Variants in TMEM276 observed in about 807,000 individuals in gnomAD.
TMEM276 encodes the protein transmembrane protein 276.
At chr8:144,466,700 G>A in the TMEM276 span, 3 of 1,368,072 alleles carry the variant, frequency 2.2e-6, no homozygotes, top group South Asian at 1.4e-5. Context: ...GGTTCGCGGA[G>A]GGAAGGGGCC....
the TMEM276 span, chr8:144,465,966 G>C: frequency 7.7e-6 from 1 of 129,856 alleles, no homozygotes; most frequent in Non-Finnish European, 1.6e-5. Context: ...GGGCGAGGCT[G>C]CAAGGAACGG....
the TMEM276 span, chr8:144,464,605 C>G: frequency 4.1e-5 from 66 of 1,606,488 alleles, no homozygotes; most frequent in Non-Finnish European, 5.4e-5. Flanking sequence ...AGCAGCCCCT[C>G]GACTTGCCTG....
the TMEM276 span, chr8:144,464,244 C>A: frequency 6.2e-7 from 1 of 1,612,906 alleles, no homozygotes; most frequent in African/African-American, 1.3e-5. Context: ...CCTCCTCCAG[C>A]CGGCTCAGGA....
At chr8:144,464,394 G>T in the TMEM276 span, 2 of 1,563,676 alleles carry the variant, frequency 1.3e-6, no homozygotes, top group South Asian at 2.4e-5. Context: ...CGAGGTGGCC[G>T]CCAGCCACTG....
the TMEM276 span, chr8:144,465,194 G>C: frequency 7.7e-7 from 1 of 1,301,692 alleles, no homozygotes; most frequent in Non-Finnish European, 1.0e-6. Flanking sequence ...TGGAGCCCAA[G>C]TGGGAGTGCG....
chr8:144,466,966 C>G, the TMEM276 span: 2 of 1,594,154 alleles, frequency 1.3e-6, no homozygotes, highest in African/African-American at 1.3e-5. Flanking sequence ...CAGCCAGCTC[C>G]GAGCCTGAGG....
chr8:144,464,853 C>G, the TMEM276 span: 1 of 1,612,872 alleles, frequency 6.2e-7, no homozygotes, highest in African/African-American at 1.3e-5. Flanking sequence ...ACTCCCAGCA[C>G]CAGATGGGAC....
chr8:144,466,606 G>A, the TMEM276 span: 2 of 865,570 alleles, frequency 2.3e-6, no homozygotes, highest in Non-Finnish European at 3.1e-6. Context: ...CGGGCACGGG[G>A]CGCGGGGCGA....
At chr8:144,465,386 G>A in the TMEM276 span, 2 of 1,031,174 alleles carry the variant, frequency 1.9e-6, no homozygotes, top group African/African-American at 1.7e-5. Flanking sequence ...CGGCGAGCGG[G>A]AGGCCCGAGC....
the TMEM276 span, chr8:144,464,844 C>T: frequency 6.2e-7 from 1 of 1,612,904 alleles, no homozygotes; most frequent in South Asian, 1.1e-5. Flanking sequence ...AGAGACACCA[C>T]TCCCAGCACC....
chr8:144,464,290 C>A, the TMEM276 span: 1 of 1,613,334 alleles, frequency 6.2e-7, no homozygotes. Flanking sequence ...CCCCCACATC[C>A]CATAAGTGTT....
At chr8:144,466,441 C>T in the TMEM276 span, 37 of 1,361,468 alleles carry the variant, frequency 2.7e-5, no homozygotes, top group South Asian at 8.1e-5. Flanking sequence ...TTACTCGTTG[C>T]TCATCTACAT....
At chr8:144,464,602 C>T in the TMEM276 span, 2 of 1,606,654 alleles carry the variant, frequency 1.2e-6, no homozygotes, top group East Asian at 2.2e-5. Context: ...AGCAGCAGCC[C>T]CTCGACTTGC....
At chr8:144,465,206 G>T in the TMEM276 span, 8 of 1,258,322 alleles carry the variant, frequency 6.4e-6, no homozygotes, top group Admixed American at 1.9e-4. Context: ...GGGAGTGCGG[G>T]CCTGGGGAAG....
the TMEM276 span, chr8:144,466,293 G>A: frequency 1.7e-5 from 4 of 233,050 alleles, no homozygotes; most frequent in African/African-American, 7.0e-5. Flanking sequence ...CCTTCCAGCC[G>A]TGGGAGCCGG....
chr8:144,466,848 G>T, the TMEM276 span: 1 of 1,536,948 alleles, frequency 6.5e-7, no homozygotes, highest in Admixed American at 1.9e-5. Context: ...GGTAGGTGCG[G>T]GCTGGGAGTC....
chr8:144,465,998 AG>A, the TMEM276 span: 986 of 7,424 alleles, frequency 0.13, 24 homozygotes, highest in African/African-American at 0.28. Flanking sequence ...GGCTGCGAGG[AG>A]GGGGGGTCTG....
chr8:144,466,450 ATCT>A, the TMEM276 span: 46 of 1,363,856 alleles, frequency 3.4e-5, no homozygotes, highest in Non-Finnish European at 4.4e-5. Flanking sequence ...GCTCATCTAC[ATCT>A]TCTACAGCCT....
At chr8:144,464,913 C>A in the TMEM276 span, 2 of 1,610,774 alleles carry the variant, frequency 1.2e-6, no homozygotes, top group Non-Finnish European at 1.7e-6. Flanking sequence ...GCACCTCAGG[C>A]GGCAGTATGT....
Sources: allele counts gnomAD v4.1 joint callset, GRCh38; gene constraint gnomAD v4.1.1; transcripts MANE v1.5; gene names NCBI Gene and HGNC (gene_info 2026-07-23, HGNC 2026-07-21).